MATCAP2: variants seen among roughly 807,000 people sequenced by gnomAD.
MATCAP2 encodes the protein putative tyrosine carboxypeptidase MATCAP2.
the MATCAP2 span, among the ~76,000 whole-genome samples, chr7:36,360,570 A>G: frequency 2.0e-5 from 3 of 152,230 alleles, no homozygotes; most frequent in Admixed American, 6.5e-5. Flanking sequence ...GAAGTTCATA[A>G]AAGTGGGGCA....
At chr7:36,332,461 A>G in the MATCAP2 span, among the ~76,000 whole-genome samples, 2 of 152,200 alleles carry the variant, frequency 1.3e-5, no homozygotes, top group Non-Finnish European at 2.9e-5. Context: ...CATGAAAGAC[A>G]GGAGAGAGAT....
At chr7:36,341,464 A>G in the MATCAP2 span, among the ~76,000 whole-genome samples, 1 of 152,210 alleles carries the variant, frequency 6.6e-6, no homozygotes, top group African/African-American at 2.4e-5. Flanking sequence ...CTGCATTGCT[A>G]TAATCTGAAT....
chr7:36,389,831 T>C, the MATCAP2 span: 1 of 1,052,570 alleles, frequency 9.5e-7, no homozygotes, highest in South Asian at 1.5e-5. Flanking sequence ...GGCTCGGCGC[T>C]GAAATTCAAA....
the MATCAP2 span, among the ~76,000 whole-genome samples, chr7:36,335,995 C>T: frequency 6.6e-6 from 1 of 152,150 alleles, no homozygotes; most frequent in Non-Finnish European, 1.5e-5. Flanking sequence ...TCACTTGAAC[C>T]CAGGAGGCGG....
the MATCAP2 span, chr7:36,389,657 G>T: frequency 1.4e-5 from 3 of 218,594 alleles, no homozygotes; most frequent in Non-Finnish European, 2.7e-5. Context: ...CCGTTGGAGA[G>T]CAGGAAGCGC....
the MATCAP2 span, chr7:36,335,012 T>G: frequency 6.4e-7 from 1 of 1,573,894 alleles, no homozygotes; most frequent in Non-Finnish European, 8.6e-7. Flanking sequence ...ATTCCTGATA[T>G]TACAAATAAA....
At chr7:36,326,926 A>G in the MATCAP2 span, 1 of 1,598,408 alleles carries the variant, frequency 6.3e-7, no homozygotes, top group African/African-American at 1.4e-5. Flanking sequence ...AACCTGAAAA[A>G]AAGGAAGATG....
the MATCAP2 span, among the ~76,000 whole-genome samples, chr7:36,372,437 T>G: frequency 1.3e-4 from 20 of 152,246 alleles, no homozygotes; most frequent in Non-Finnish European, 2.8e-4. Flanking sequence ...GAGAATGGAA[T>G]GTTTTGCAGC....
chr7:36,378,047 C>T, the MATCAP2 span, among the ~76,000 whole-genome samples: 2 of 152,204 alleles, frequency 1.3e-5, no homozygotes, highest in African/African-American at 4.8e-5. Flanking sequence ...TGGGTTCGAA[C>T]ATCCTCCTTT....
chr7:36,331,785 TGTAA>T, the MATCAP2 span, among the ~76,000 whole-genome samples: 4 of 152,218 alleles, frequency 2.6e-5, no homozygotes, highest in African/African-American at 9.6e-5. Context: ...ACATAATTTG[TGTAA>T]TTTTTAAAAA....
chr7:36,334,127 C>T, the MATCAP2 span: 5 of 1,613,598 alleles, frequency 3.1e-6, no homozygotes, highest in Non-Finnish European at 4.2e-6. Flanking sequence ...TCCATGGCTG[C>T]TGGAGGTTGT....
the MATCAP2 span, among the ~76,000 whole-genome samples, chr7:36,375,509 T>A: frequency 1.3e-5 from 2 of 152,232 alleles, no homozygotes; most frequent in Non-Finnish European, 2.9e-5. Context: ...TATTGAGGAT[T>A]TTCGCATCAA....
At chr7:36,389,955 G>A in the MATCAP2 span, 1 of 1,613,894 alleles carries the variant, frequency 6.2e-7, no homozygotes, top group Non-Finnish European at 8.5e-7. Flanking sequence ...GACACACTGA[G>A]CTGAGACTCA....
the MATCAP2 span, among the ~76,000 whole-genome samples, chr7:36,339,668 C>G: frequency 6.6e-6 from 1 of 152,208 alleles, no homozygotes; most frequent in South Asian, 2.1e-4. Context: ...TTTGCATACA[C>G]TAACCTAATA....
chr7:36,330,282 C>A, the MATCAP2 span, among the ~76,000 whole-genome samples: 1 of 151,880 alleles, frequency 6.6e-6, no homozygotes, highest in African/African-American at 2.4e-5. Context: ...GACAGGGTTT[C>A]CCCATGTTGC....
the MATCAP2 span, chr7:36,355,743 C>T: frequency 6.6e-6 from 1 of 152,116 alleles, no homozygotes. Context: ...TTTACCTATC[C>T]TACAAACAGA....
At chr7:36,357,044 A>G in the MATCAP2 span, 1 of 1,614,166 alleles carries the variant, frequency 6.2e-7, no homozygotes, top group South Asian at 1.1e-5. Flanking sequence ...GGTGGGTTTT[A>G]TAGCAGTCAA....
At chr7:36,348,631 A>G in the MATCAP2 span, among the ~76,000 whole-genome samples, 5 of 152,220 alleles carry the variant, frequency 3.3e-5, no homozygotes, top group African/African-American at 1.2e-4. Flanking sequence ...ACTTTTATGC[A>G]GTTTTATATT....
At chr7:36,374,653 A>G in the MATCAP2 span, among the ~76,000 whole-genome samples, 4 of 152,094 alleles carry the variant, frequency 2.6e-5, no homozygotes, top group African/African-American at 9.7e-5. Context: ...CTCATCATTT[A>G]CATTAGGTAT....
Sources: allele counts gnomAD v4.1 joint callset (sites outside exome capture counted in the v4.1 genomes callset), GRCh38; gene constraint gnomAD v4.1.1; transcripts MANE v1.5; gene names NCBI Gene and HGNC (gene_info 2026-07-23, HGNC 2026-07-21).